Variants in PPARGC1B observed in about 807,000 individuals in gnomAD.
PPARGC1B encodes the protein PPARG coactivator 1 beta.
In PPARGC1B, 34 loss-of-function variants were observed where a neutral mutation model predicts 101.6. The observed-to-expected ratio is 0.33, with a 90% CI of 0.25 to 0.45. The LOEUF is 0.45. Ranked by LOEUF, PPARGC1B falls within the 20% of genes least tolerant of loss-of-function variation. The pLI is 1.00. For synonymous variants in PPARGC1B, 548 were observed against 539.3 expected (o/e 1.02, Z -0.22); for missense variants, 1,234 against 1,317.6 (o/e 0.94, Z 0.98).
chr5:149,832,901 T>A lies in PPARGC1B; in HGVS notation c.828T>A (p.Gly276=). 1 of 1,613,010 alleles carries A rather than the reference T, an allele frequency of 6.2e-7. No homozygotes were observed. The highest frequency in any genetic ancestry group is 2.2e-5 in the East Asian group (1 of 44,870). ...DSLALGRADP[G]APVSQEDMQA... ...TAGCTCTGGGCAGGGCAGACCCCGG[T>A]GCCCCGGTTTCCCAGGAAGACATGC... Residue 276 remains glycine (G), a synonymous_variant, in exon 5 of 12, where the codon GGT becomes GGA. Coordinates refer to ENST00000309241, the MANE Select transcript of PPARGC1B (RefSeq NM_133263.4). The surrounding 1 kb of genome is among the most constrained non-coding windows in gnomAD (Gnocchi z 4.9).
Position 149,833,859 on chromosome 5 carries a change from G to C in PPARGC1B, c.1705+81G>C. ...CTCTGCACTGGGAGCCAGGAGCCCT[G>C]TGTTCAAGTCCCCGTCCCCCAACAA... On this transcript the variant is annotated intron_variant, in intron 5 of 11. Transcript: ENST00000309241. The surrounding 1 kb of genome is among the most constrained non-coding windows in gnomAD (Gnocchi z 4.1). The C allele has an allele frequency of 7.0e-7, 1 of 1,421,666 alleles. No homozygotes were observed. Among genetic ancestry groups the C allele is most frequent in the Middle Eastern group, 2.4e-4 (1 of 4,174 alleles). The allele number at this position is 1,421,666 out of a possible 1,614,324, so 88.1% of individuals were successfully genotyped here.
At chr5:149,826,565 G>GCCCA in intron 2 of PPARGC1B, 108 bp from the exon 3 acceptor site, 1 of 848,036 alleles carries the variant, frequency 1.2e-6, no homozygotes, top group Non-Finnish European at 2.0e-6. Context: ...GGTGTTGGTG[G>GCCCA]GCCAGCTGGC....
chr5:149,755,046 C>CAT lies in PPARGC1B; in HGVS notation c.78+24630_78+24631dup, dbSNP rs1385735590. 3.0e-4 allele frequency among the ~76,000 whole-genome samples: 32 copies of CAT among 105,582 alleles called. 1 individual carries two copies. Among genetic ancestry groups the CAT allele is most frequent in the African/African-American group, 1.1e-3 (27 of 24,944 alleles). 69.3% of individuals were successfully genotyped at this position (105,582 alleles called of 152,430 possible). A position where few individuals can be genotyped will look rare whatever the true frequency, so the allele number is the denominator to read the frequency against. On this transcript the variant is annotated intron_variant, in intron 1 of 11. Transcript: ENST00000309241. ...CACATATACACTACATATACATATA[C>CAT]ATATACATATATATATATATATATA...
intron 1 of PPARGC1B, among the ~76,000 whole-genome samples, chr5:149,737,283 C>CAGA (rs1754752830): frequency 2.6e-5 from 4 of 152,022 alleles, no homozygotes; most frequent in African/African-American, 9.7e-5. Context: ...TAAACTTAAA[C>CAGA]CTGATTTCCG....
chr5:149,826,833 C>G lies in PPARGC1B; in HGVS notation c.413C>G (p.Pro138Arg). ...SPAPSSAPPS[P>R]APEKPSAPAP... Reference sequence around the variant, plus strand: ...GCCCCCTCATCTGCACCCCCCAGCCCTGCCCCGGAGAAGCCCTCGGCCCCA... The same window carrying G: ...GCCCCCTCATCTGCACCCCCCAGCCGTGCCCCGGAGAAGCCCTCGGCCCCA... The change falls in exon 3 of 12, where the codon CCT becomes CGT. Residue 138 changes from proline (P) to arginine (R), a missense_variant. Pro to Arg is a moderately radical substitution (Grantham distance 103). Coordinates refer to ENST00000309241, the MANE Select transcript of PPARGC1B (RefSeq NM_133263.4). 6.2e-7 allele frequency: 1 copy of G among 1,613,954 alleles called. No homozygotes were observed. The highest frequency in any genetic ancestry group is 8.5e-7 in the Non-Finnish European group (1 of 1,179,866).
In PPARGC1B at chr5:149,820,465, T is replaced by C. The variant is rs1467254469; in HGVS notation, c.111T>C (p.Ala37=). The change falls in exon 2 of 12, where the codon GCT becomes GCC. Residue 37 remains alanine (A), a synonymous_variant. Transcript: ENST00000309241. ...GGGSGEEQLY[A]DFPELDLSQL... ...GGTCCGGGGAGGAGCAACTCTATGC[T>C]GACTTTCCAGAACTTGACCTCTCCC... 3 of 1,614,074 alleles carry C rather than the reference T, an allele frequency of 1.9e-6. No homozygotes were observed. The highest frequency in any genetic ancestry group is 2.5e-6 in the Non-Finnish European group (3 of 1,180,034).
intron 1 of PPARGC1B, among the ~76,000 whole-genome samples, chr5:149,747,453 G>A (rs1281258052): frequency 6.6e-6 from 1 of 152,238 alleles, no homozygotes; most frequent in Non-Finnish European, 1.5e-5. Context: ...ATGCTCAGAG[G>A]GTGAGTGTGG....
rs563081287 is a variant in PPARGC1B, at chr5:149,853,875, G to A, written c.*6317G>A. The stretch of plus-strand genomic sequence containing the variant: ...TTCTGGGGAAGATGACCATCCAGAA[G>A]TCCAGCTTAGTGCAGTCTGCTCTGG... On this transcript the variant is annotated 3_prime_UTR_variant, in exon 12 of 12. Coordinates refer to ENST00000309241, the MANE Select transcript of PPARGC1B (RefSeq NM_133263.4). This position sits in a 1 kb window ranked among gnomAD's most constrained non-coding sequence, Gnocchi z 4.2. The A allele has an allele frequency of 6.6e-5, 10 of 152,288 alleles. No homozygotes were observed. Among genetic ancestry groups the A allele is most frequent in the Admixed American group, 3.9e-4 (6 of 15,286 alleles). 9.4% of individuals were successfully genotyped at this position (152,288 alleles called of 1,614,324 possible).
chr5:149,826,831 C>T lies in PPARGC1B; in HGVS notation c.411C>T (p.Ser137=). ...CTGCCCCCTCATCTGCACCCCCCAGCCCTGCCCCGGAGAAGCCCTCGGCCC... is the reference window on the plus strand; with the variant it reads ...CTGCCCCCTCATCTGCACCCCCCAGTCCTGCCCCGGAGAAGCCCTCGGCCC... ...ASPAPSSAPP[S]PAPEKPSAPA... Residue 137 remains serine, a synonymous_variant, in exon 3 of 12, where the codon AGC becomes AGT. Transcript: ENST00000309241. 6.2e-7 allele frequency: 1 copy of T among 1,613,914 alleles called. No homozygotes were observed. Among genetic ancestry groups the T allele is most frequent in the Non-Finnish European group, 8.5e-7 (1 of 1,179,816 alleles).
chr5:149,825,856 G>A (rs1005674576), intron 2 of PPARGC1B, among the ~76,000 whole-genome samples: 4 of 152,210 alleles, frequency 2.6e-5, no homozygotes, highest in African/African-American at 9.7e-5. Flanking sequence ...CGTCATGGCA[G>A]AAATCGTGTA....
intron 1 of PPARGC1B, among the ~76,000 whole-genome samples, chr5:149,749,261 AC>A (rs1755201756): frequency 6.6e-6 from 1 of 152,204 alleles, no homozygotes; most frequent in African/African-American, 2.4e-5. Context: ...TGCGAAATTC[AC>A]ACAGCATTTT....
chr5:149,809,389 A>AGATC (rs1554079008), intron 1 of PPARGC1B, among the ~76,000 whole-genome samples: 731 of 72,472 alleles, frequency 0.01, 73 homozygotes, highest in Middle Eastern at 0.026. Context: ...ATAGATAGAT[A>AGATC]GATCCATCTC....
At chr5:149,754,033 C>T (rs900326430) in intron 1 of PPARGC1B, among the ~76,000 whole-genome samples, 1 of 152,178 alleles carries the variant, frequency 6.6e-6, no homozygotes, top group African/African-American at 2.4e-5. Flanking sequence ...TTGTCACATT[C>T]CTGTCCGTGA....
rs117540559 is a variant in PPARGC1B, at chr5:149,731,988, G to C, written c.78+1568G>C. Reference sequence around the variant, plus strand: ...GGCAGAGGCCGGAGGGGCTAGTGGCGTGTGATTGCGCTTCTCGAGATCGAG... The same window carrying C: ...GGCAGAGGCCGGAGGGGCTAGTGGCCTGTGATTGCGCTTCTCGAGATCGAG... On this transcript the variant is annotated intron_variant, in intron 1 of 11. Coordinates refer to ENST00000309241, the MANE Select transcript of PPARGC1B (RefSeq NM_133263.4). Among the ~76,000 whole-genome samples the C allele has an allele frequency of 5.3e-5, 8 of 152,270 alleles. No individual in the cohort carries two copies. In the East Asian group the frequency reaches 1.6e-3, roughly 30 times the overall value.
Position 149,820,561 on chromosome 5 carries a change from G to C in PPARGC1B, c.207G>C (p.Glu69Asp). ...TGCAGTGGTGCCCAGAGAACTCAGA[G>C]ACTGAACCCAACCAGTACAGCCCCG... is the stretch of plus-strand genomic sequence containing the variant. ...GELQWCPENS[E>D]TEPNQYSPDD... Residue 69 changes from glutamate to aspartate, a missense_variant, in exon 2 of 12, where the codon GAG (glutamate) becomes GAC (aspartate). Physicochemically the swap from Glu to Asp is conservative, Grantham distance 45. Transcript: ENST00000309241. 6.2e-7 allele frequency: 1 copy of C among 1,613,774 alleles called. No individual in the cohort carries two copies. Among genetic ancestry groups the C allele is most frequent in the Non-Finnish European group, 8.5e-7 (1 of 1,180,010 alleles).
rs1758897223 is a variant in PPARGC1B at position 149,833,422 on chromosome 5, A to C, written c.1349A>C (p.Glu450Ala). 6.3e-7 allele frequency: 1 copy of C among 1,591,112 alleles called. No individual in the cohort carries two copies. The highest frequency in any genetic ancestry group is 1.3e-5 in the African/African-American group (1 of 74,288). The change falls in exon 5 of 12, where the codon GAG becomes GCG. Residue 450 changes from glutamate (E) to alanine (A), a missense_variant. Coordinates refer to ENST00000309241, the MANE Select transcript of PPARGC1B (RefSeq NM_133263.4). This position sits in a 1 kb window ranked among gnomAD's most constrained non-coding sequence, Gnocchi z 4.1. The stretch of plus-strand genomic sequence containing the variant: ...GAAGAAGAAAAAGAGGAGGAGGAGG[A>C]GTGGGGCAGGAAAAGGCCAGGCCGA... Reference protein sequence around the residue: ...EEEEEKEEEEEWGRKRPGRGL... With the variant: ...EEEEEKEEEEAWGRKRPGRGL...
rs550014571 is a variant in PPARGC1B, at chr5:149,848,886, T to G, written c.*1328T>G. On this transcript the variant is annotated 3_prime_UTR_variant, in exon 12 of 12. Coordinates refer to ENST00000309241, the MANE Select transcript of PPARGC1B (RefSeq NM_133263.4). Reference sequence around the variant, plus strand: ...GGAGGGAGTGAAGGTTGGGAATAGATAGGACAATCTCCTAGCTCTCCTCCA... The same window carrying G: ...GGAGGGAGTGAAGGTTGGGAATAGAGAGGACAATCTCCTAGCTCTCCTCCA... 6.6e-6 allele frequency: 1 copy of G among 152,304 alleles called. No individual in the cohort carries two copies. Among genetic ancestry groups the G allele is most frequent in the Admixed American group, 6.5e-5 (1 of 15,300 alleles). 9.4% of individuals were successfully genotyped at this position (152,304 alleles called of 1,614,324 possible).
chr5:149,841,273 CAG>C (rs1160651260), intron 9 of PPARGC1B, among the ~76,000 whole-genome samples: 2 of 152,066 alleles, frequency 1.3e-5, no homozygotes, highest in East Asian at 1.9e-4. Context: ...AGCGAAGACT[CAG>C]GGGGACAAGT....
chr5:149,802,731 C>T (rs1235591846), intron 1 of PPARGC1B, among the ~76,000 whole-genome samples: 2 of 151,888 alleles, frequency 1.3e-5, no homozygotes, highest in African/African-American at 4.8e-5. Flanking sequence ...TCCATGGTCA[C>T]ATGATAAGGA....
Sources: gnomAD v4.1 joint callset for allele counts (sites outside exome capture counted in the v4.1 genomes callset) on GRCh38, gnomAD v4.1.1 for gene constraint, Gnocchi (gnomAD v3.1) non-coding constraint, MANE v1.5 for transcripts, NCBI Gene and HGNC (gene_info 2026-07-23, HGNC 2026-07-21) for gene names.